The following SLX4IP variants were observed in gnomAD, a reference collection of about 807,000 sequenced individuals.
The protein encoded by SLX4IP is protein SLX4IP.
Under a neutral mutation model 32.9 loss-of-function variants are expected in SLX4IP, and 34 were observed. The observed-to-expected ratio is 1.03, with a 90% CI of 0.79 to 1.38. SLX4IP has a LOEUF of 1.38. Among genes scored for constraint, SLX4IP ranks in the 40% most tolerant of loss-of-function variants. The probability of loss-of-function intolerance (pLI) is 0.00; values close to 1 mark genes in which losing one functional copy is unlikely to be tolerated. For synonymous variants in SLX4IP, 172 were observed against 171.7 expected (o/e 1.00, Z -0.01); for missense variants, 444 against 479.0 (o/e 0.93, Z 0.68).
At chr20:10,595,635 A>G (rs1183731121) in intron 4 of SLX4IP, among the ~76,000 whole-genome samples, 1 of 152,200 alleles carries the variant, frequency 6.6e-6, no homozygotes, top group Non-Finnish European at 1.5e-5. Context: ...AAAGATAAGA[A>G]TGTAGTCTTT....
At chr20:10,602,831 G>C (rs1175538909) in intron 6 of SLX4IP, among the ~76,000 whole-genome samples, 1 of 152,110 alleles carries the variant, frequency 6.6e-6, no homozygotes, top group Non-Finnish European at 1.5e-5. Flanking sequence ...TGTTTCAGAG[G>C]CTACAAGGGT....
At chr20:10,473,009 C>T (rs1349900132) in intron 2 of SLX4IP, among the ~76,000 whole-genome samples, 1 of 152,118 alleles carries the variant, frequency 6.6e-6, no homozygotes, top group Admixed American at 6.5e-5. Flanking sequence ...ATAAATTGTC[C>T]TTAGAACATT....
At chr20:10,537,510 A>C (rs1231393636) in intron 2 of SLX4IP, among the ~76,000 whole-genome samples, 2 of 152,246 alleles carry the variant, frequency 1.3e-5, no homozygotes, top group African/African-American at 2.4e-5. Context: ...ATTAGGTTGC[A>C]GTTTGGCCCG....
intron 6 of SLX4IP, 56 bp downstream of exon 6, chr20:10,601,875 T>TA (rs1247129332): frequency 6.8e-7 from 1 of 1,465,976 alleles, no homozygotes; most frequent in East Asian, 2.3e-5. Flanking sequence ...TGAGTTACTG[T>TA]AAAAAATAGA....
intron 1 of SLX4IP, among the ~76,000 whole-genome samples, chr20:10,444,418 C>T (rs2065184301): frequency 6.6e-6 from 1 of 152,014 alleles, no homozygotes; most frequent in Admixed American, 6.6e-5. Flanking sequence ...CGCTCTGTCA[C>T]CCAGGCTGGA....
chr20:10,567,427 A>G (rs1568745105), intron 4 of SLX4IP, among the ~76,000 whole-genome samples: 1 of 152,096 alleles, frequency 6.6e-6, no homozygotes, highest in Non-Finnish European at 1.5e-5. Context: ...CCGTGTGAGG[A>G]TACAGCATTC....
intron 2 of SLX4IP, among the ~76,000 whole-genome samples, chr20:10,460,564 T>C (rs1380914714): frequency 6.6e-6 from 1 of 152,214 alleles, no homozygotes; most frequent in African/African-American, 2.4e-5. Flanking sequence ...CTTGGGCATC[T>C]ACCCCGGTGG....
intron 2 of SLX4IP, among the ~76,000 whole-genome samples, chr20:10,475,508 A>C (rs917859163): frequency 1.3e-5 from 2 of 152,124 alleles, no homozygotes; most frequent in Admixed American, 6.5e-5. Context: ...GAGGGCCTGG[A>C]GGTAGCTTCA....
chr20:10,453,754 T>A (rs984135942), intron 1 of SLX4IP, among the ~76,000 whole-genome samples: 8 of 152,060 alleles, frequency 5.3e-5, no homozygotes, highest in African/African-American at 1.7e-4. Context: ...ATTTTTTTTT[T>A]ATCCCCAATG....
rs576546237 is a variant in SLX4IP at position 10,440,271 on chromosome 20, A to G, written c.-30+4818A>G. 4.9e-4 allele frequency among the ~76,000 whole-genome samples: 75 copies of G among 152,136 alleles called. 1 individual carries two copies. Among genetic ancestry groups the G allele is most frequent in the African/African-American group, 1.8e-3 (73 of 41,518 alleles). On this transcript the variant is annotated intron_variant, in intron 1 of 7. Transcript: ENST00000334534. ...GGAGTTTGAGACCAGCCTTGCCAAC[A>G]TGGTGAAACCCTGTCTCTACTAAAA...
intron 6 of SLX4IP, among the ~76,000 whole-genome samples, chr20:10,611,650 AAAC>A (rs2066967958): frequency 6.6e-6 from 1 of 152,212 alleles, no homozygotes; most frequent in South Asian, 2.1e-4. Context: ...TCAGGTAGGG[AAAC>A]AAGGTCTCTT....
At chr20:10,465,961 C>T (rs906021975) in intron 2 of SLX4IP, among the ~76,000 whole-genome samples, 2 of 152,314 alleles carry the variant, frequency 1.3e-5, no homozygotes, top group East Asian at 3.9e-4. Context: ...TCAGAATAAG[C>T]ATTCAATGAA....
At chr20:10,569,093 C>T (rs575075866) in intron 4 of SLX4IP, among the ~76,000 whole-genome samples, 2 of 151,768 alleles carry the variant, frequency 1.3e-5, no homozygotes, top group African/African-American at 4.8e-5. Context: ...GCTCTCCTTT[C>T]GAGGAGAAAA....
chr20:10,484,991 C>G (rs1046594190), intron 2 of SLX4IP, among the ~76,000 whole-genome samples: 3 of 151,820 alleles, frequency 2.0e-5, no homozygotes, highest in Non-Finnish European at 4.4e-5. Context: ...TGGGGGACCT[C>G]GAAGAGACAG....
rs2066844096 is a variant in SLX4IP at position 10,601,729 on chromosome 20, A to G, written c.317-2A>G. 1 of 1,613,562 alleles carries G rather than the reference A, an allele frequency of 6.2e-7. No homozygotes were observed. Among genetic ancestry groups the G allele is most frequent in the Non-Finnish European group, 8.5e-7 (1 of 1,179,546 alleles). ...AAACTTGTTTTTCTTCATTTTATAC[A>G]GAACTCTGTGTATTCCCTGACAGAT... On this transcript the variant is annotated splice_acceptor_variant, in intron 5 of 7. Coordinates refer to ENST00000334534, the MANE Select transcript of SLX4IP (RefSeq NM_001009608.3). LOFTEE classifies it high-confidence loss of function.
chr20:10,548,115 T>C (rs1377481611), intron 2 of SLX4IP, among the ~76,000 whole-genome samples: 1 of 152,194 alleles, frequency 6.6e-6, no homozygotes, highest in African/African-American at 2.4e-5. Context: ...ATAGGGAAAC[T>C]GACAGTAGAG....
At chr20:10,473,415 A>G (rs532585221) in intron 2 of SLX4IP, among the ~76,000 whole-genome samples, 2 of 152,332 alleles carry the variant, frequency 1.3e-5, no homozygotes, top group African/African-American at 4.8e-5. Flanking sequence ...GAGAGGGTTA[A>G]ATAAAAGGAT....
At chr20:10,473,427 C>T (rs774370122) in intron 2 of SLX4IP, among the ~76,000 whole-genome samples, 37 of 152,086 alleles carry the variant, frequency 2.4e-4, no homozygotes, top group Non-Finnish European at 4.3e-4. Flanking sequence ...TAAAAGGATT[C>T]GTATAAAGTG....
chr20:10,510,275 C>T (rs2065795514), intron 2 of SLX4IP, among the ~76,000 whole-genome samples: 1 of 151,912 alleles, frequency 6.6e-6, no homozygotes, highest in Non-Finnish European at 1.5e-5. Flanking sequence ...TCTGTCATGT[C>T]TGTGACACTG....
Sources: gnomAD v4.1 joint callset for allele counts (sites outside exome capture counted in the v4.1 genomes callset) on GRCh38, gnomAD v4.1.1 for gene constraint, MANE v1.5 for transcripts, NCBI Gene and HGNC (gene_info 2026-07-23, HGNC 2026-07-21) for gene names.